STK10: variants seen among roughly 807,000 people sequenced by gnomAD.
The protein encoded by STK10 is serine/threonine-protein kinase 10.
A neutral mutation model predicts 113.8 loss-of-function variants in STK10; 78 were observed. The observed-to-expected ratio is 0.69, with a 90% CI of 0.57 to 0.83. STK10 has a LOEUF of 0.83. Among genes scored for constraint, STK10 ranks in the 40% least tolerant of loss-of-function variants. The pLI is 0.00. For missense variants in STK10, 1,109 were observed against 1,280.1 expected, an observed-to-expected ratio of 0.87 and a Z score of 2.04; for synonymous variants, 465 against 494.7, an observed-to-expected ratio of 0.94 and a Z score of 0.80.
At chr5:172,158,108 T>A (rs1770392401) in intron 1 of STK10, among the ~76,000 whole-genome samples, 1 of 151,988 alleles carries the variant, frequency 6.6e-6, no homozygotes, top group Admixed American at 6.6e-5. Context: ...GCTATAATTT[T>A]AAAAAATGGA....
Position 172,054,605 on chromosome 5 carries a change from C to T in STK10, c.2616G>A (p.Gln872=), listed in dbSNP as rs149671378. The change falls in exon 17 of 19, where the codon CAG becomes CAA. Residue 872 remains glutamine, a synonymous_variant. Coordinates refer to ENST00000176763, the MANE Select transcript of STK10 (RefSeq NM_005990.4). Reference sequence around the variant, plus strand: ...GCAGCTCGCTCATGTTGCTCTCACACTGCGCCAGCATGTCCCGCATCTGGT... The same window carrying T: ...GCAGCTCGCTCATGTTGCTCTCACATTGCGCCAGCATGTCCCGCATCTGGT... ...HENQMRDMLA[Q]CESNMSELQQ... 14 of 1,609,674 alleles carry T rather than the reference C, an allele frequency of 8.7e-6. No individual in the cohort carries two copies. Among genetic ancestry groups the T allele is most frequent in the Non-Finnish European group, 1.1e-5 (13 of 1,179,842 alleles).
intron 1 of STK10, among the ~76,000 whole-genome samples, chr5:172,179,425 A>G (rs1399375917): frequency 6.6e-6 from 1 of 152,082 alleles, no homozygotes; most frequent in Non-Finnish European, 1.5e-5. Flanking sequence ...TGGGGTGACA[A>G]CCTCTGGAGA....
chr5:172,171,183 A>G (rs773379994), intron 1 of STK10, among the ~76,000 whole-genome samples: 6 of 152,146 alleles, frequency 3.9e-5, no homozygotes, highest in Non-Finnish European at 7.3e-5. Context: ...TGGTACAAGG[A>G]AGAAAATCAA....
At position 172,117,509 on chromosome 5, in the gene STK10, C is replaced by G. The variant is rs1769413601; in HGVS notation, c.492G>C (p.Leu164=). ...IHRDLKAGNV[L]MTLEGDIRLA... Reference sequence around the variant, plus strand: ...GCCTGATGTCTCCCTCGAGGGTCATCAGCACGTTGCCAGCTTTCAGATCTC... The same window carrying G: ...GCCTGATGTCTCCCTCGAGGGTCATGAGCACGTTGCCAGCTTTCAGATCTC... The change falls in exon 4 of 19, where the codon CTG becomes CTC. Residue 164 remains leucine (L), a synonymous_variant. Coordinates refer to ENST00000176763, the MANE Select transcript of STK10 (RefSeq NM_005990.4). 1.9e-6 allele frequency: 3 copies of G among 1,612,690 alleles called. No individual in the cohort carries two copies.
chr5:172,140,490 A>G (rs1769951469), intron 2 of STK10, among the ~76,000 whole-genome samples: 1 of 152,218 alleles, frequency 6.6e-6, no homozygotes, highest in Non-Finnish European at 1.5e-5. Flanking sequence ...TGGGGTCAGG[A>G]GTTCGAGACC....
At chr5:172,153,420 A>G (rs2113814255) in intron 2 of STK10, among the ~76,000 whole-genome samples, 1 of 152,356 alleles carries the variant, frequency 6.6e-6, no homozygotes, top group East Asian at 1.9e-4. Context: ...GATATTCAAA[A>G]GCAGAAGTAG....
chr5:172,155,399 G>A (rs890869730), intron 2 of STK10, among the ~76,000 whole-genome samples: 3 of 151,812 alleles, frequency 2.0e-5, no homozygotes, highest in Admixed American at 2.0e-4. Context: ...TTAGGAGGCT[G>A]AGGCAGGAGA....
At chr5:172,126,307 G>A (rs1581168710) in intron 3 of STK10, among the ~76,000 whole-genome samples, 2 of 152,328 alleles carry the variant, frequency 1.3e-5, no homozygotes, top group Middle Eastern at 6.8e-3. Flanking sequence ...ATATTTGCCT[G>A]TAATCCCAGC....
chr5:172,124,868 T>C (rs1769587320), intron 3 of STK10, among the ~76,000 whole-genome samples: 1 of 150,648 alleles, frequency 6.6e-6, no homozygotes, highest in Non-Finnish European at 1.5e-5. Flanking sequence ...AACTAAATGG[T>C]CTTTAGTATA....
chr5:172,065,636 A>G (rs947077857), intron 12 of STK10, among the ~76,000 whole-genome samples: 50 of 152,146 alleles, frequency 3.3e-4, no homozygotes, highest in African/African-American at 1.0e-3. Context: ...GCCAAGCAGC[A>G]TATTCCATGC....
At chr5:172,147,813 G>A (rs746459160) in intron 2 of STK10, among the ~76,000 whole-genome samples, 1 of 152,172 alleles carries the variant, frequency 6.6e-6, no homozygotes, top group Non-Finnish European at 1.5e-5. Flanking sequence ...GACAGGAGAA[G>A]GTCAAAGAGA....
chr5:172,146,837 T>C (rs1770097160), intron 2 of STK10, among the ~76,000 whole-genome samples: 1 of 152,220 alleles, frequency 6.6e-6, no homozygotes, highest in South Asian at 2.1e-4. Context: ...TGTGACCAAA[T>C]GTGGGGGTTT....
At position 172,105,720 on chromosome 5, in the gene STK10, T is replaced by G. The variant is rs747271395; in HGVS notation, c.806A>C (p.Asp269Ala). The G allele has an allele frequency of 2.3e-5, 37 of 1,613,644 alleles. No individual in the cohort carries two copies. The Admixed American group carries it at 4.7e-4, about 20-fold the overall frequency. ...CTTATCCAGGGCTATCTTCAGGAAGTCACGGAACTCTACAGACCTGGGAGG... is the reference window on the plus strand; with the variant it reads ...CTTATCCAGGGCTATCTTCAGGAAGGCACGGAACTCTACAGACCTGGGAGG... ...TPSKWSVEFR[D>A]FLKIALDKNP... The change falls in exon 7 of 19, where the codon GAC becomes GCC. Residue 269 changes from aspartate to alanine, a missense_variant. Asp to Ala is a moderately radical substitution (Grantham distance 126). Coordinates refer to ENST00000176763, the MANE Select transcript of STK10 (RefSeq NM_005990.4).
At chr5:172,110,207 A>G (rs117941868) in intron 4 of STK10, among the ~76,000 whole-genome samples, 6 of 152,328 alleles carry the variant, frequency 3.9e-5, no homozygotes, top group East Asian at 1.9e-4. Context: ...CCTAACATGG[A>G]AAGTGTTGGG....
At chr5:172,116,107 G>T (rs942997741) in intron 4 of STK10, among the ~76,000 whole-genome samples, 3 of 152,128 alleles carry the variant, frequency 2.0e-5, no homozygotes, top group African/African-American at 7.2e-5. Context: ...GTGAAACAGG[G>T]TCTTACTCTG....
rs1767458216 is a variant in STK10, at chr5:172,044,674, A to C, written c.*208T>G. 1 of 707,696 alleles carries C rather than the reference A, an allele frequency of 1.4e-6. No individual in the cohort carries two copies. Among genetic ancestry groups the C allele is most frequent in the East Asian group, 2.7e-5 (1 of 37,400 alleles). The allele number at this position is 707,696 out of a possible 1,614,324, so 43.8% of individuals were successfully genotyped here. A position where few individuals can be genotyped will look rare whatever the true frequency, so the allele number is the denominator to read the frequency against. ...ATACATTAGGTTCAGGTGACAAATA[A>C]TTACACCTCACCCTCCACAGGCCAG... On this transcript the variant is annotated 3_prime_UTR_variant, in exon 19 of 19. Transcript: ENST00000176763. This position sits in a 1 kb window ranked among gnomAD's most constrained non-coding sequence, Gnocchi z 4.5.
chr5:172,146,552 AG>A (rs1192233941), intron 2 of STK10, among the ~76,000 whole-genome samples: 1 of 152,184 alleles, frequency 6.6e-6, no homozygotes, highest in East Asian at 1.9e-4. Flanking sequence ...TACAGGAAGG[AG>A]CATGAATCCA....
intron 1 of STK10, among the ~76,000 whole-genome samples, chr5:172,162,913 C>T (rs187005637): frequency 9.8e-5 from 15 of 152,334 alleles, no homozygotes; most frequent in Non-Finnish European, 1.6e-4. Flanking sequence ...GCAGCACTGA[C>T]CAGACGGCCA....
rs1005055359 is a variant in STK10, at chr5:172,140,449, C to G, written c.322-13028G>C. On this transcript the variant is annotated intron_variant, in intron 2 of 18. Coordinates refer to ENST00000176763, the MANE Select transcript of STK10 (RefSeq NM_005990.4). Reference sequence around the variant, plus strand: ...TGGTGGTGCATGCCTGTAATCCCGTCACTTTCGGAGGCCGAGGCAGGTGGA... The same window carrying G: ...TGGTGGTGCATGCCTGTAATCCCGTGACTTTCGGAGGCCGAGGCAGGTGGA... Among the ~76,000 whole-genome samples, 15 of 152,356 alleles carry G rather than the reference C, an allele frequency of 9.8e-5. No homozygotes were observed. In the East Asian group the frequency reaches 1.5e-3, roughly 16 times the overall value.
Sources: allele counts gnomAD v4.1 joint callset (sites outside exome capture counted in the v4.1 genomes callset), GRCh38; gene constraint gnomAD v4.1.1; non-coding constraint Gnocchi (gnomAD v3.1); transcripts MANE v1.5; gene names NCBI Gene and HGNC (gene_info 2026-07-23, HGNC 2026-07-21).